PIK3CA: variants seen among roughly 807,000 people sequenced by gnomAD.
PIK3CA encodes phosphatidylinositol-4,5-bisphosphate 3-kinase catalytic subunit alpha.
Under a neutral mutation model 138.2 loss-of-function variants are expected in PIK3CA, and 27 were observed. That is an observed-to-expected ratio of 0.20 (90% CI 0.14 to 0.27). The LOEUF (loss-of-function observed/expected upper bound fraction) is 0.27. Among genes scored for constraint, PIK3CA ranks in the 10% least tolerant of loss-of-function variants. PIK3CA has a pLI of 1.00. For missense variants in PIK3CA, 544 were observed against 1,277.4 expected (o/e 0.43, Z 8.75); for synonymous variants, 358 against 413.2 (o/e 0.87, Z 1.62).
intron 9 of PIK3CA, among the ~76,000 whole-genome samples, chr3:179,211,523 C>T (rs892362247): frequency 3.9e-5 from 6 of 151,908 alleles, no homozygotes; most frequent in African/African-American, 9.7e-5. Flanking sequence ...TACAAAAAGC[C>T]GGGTGTGGTG....
chr3:179,206,239 A>G (rs1221572595), intron 6 of PIK3CA, among the ~76,000 whole-genome samples: 1 of 151,796 alleles, frequency 6.6e-6, no homozygotes, highest in South Asian at 2.1e-4. Context: ...TTGTATTTTC[A>G]GTAGAGGGGG....
intron 1 of PIK3CA, among the ~76,000 whole-genome samples, chr3:179,178,520 A>G (rs994986966): frequency 9.9e-5 from 15 of 152,212 alleles, no homozygotes; most frequent in African/African-American, 3.4e-4. Context: ...ACTACTGAAT[A>G]GTTATGATAT....
chr3:179,168,252 C>T (rs1430481315), intron 1 of PIK3CA, among the ~76,000 whole-genome samples: 1 of 152,130 alleles, frequency 6.6e-6, no homozygotes, highest in Admixed American at 6.5e-5. Context: ...TCTGAAAAGA[C>T]TTTTATTTTT....
intron 1 of PIK3CA, among the ~76,000 whole-genome samples, chr3:179,191,469 A>T (rs930957931): frequency 6.6e-6 from 1 of 152,210 alleles, no homozygotes; most frequent in African/African-American, 2.4e-5. Context: ...TAGAAAATAC[A>T]AGCTGCTTAT....
chr3:179,196,145 T>TA (rs1724260423), intron 1 of PIK3CA, among the ~76,000 whole-genome samples: 1 of 152,206 alleles, frequency 6.6e-6, no homozygotes, highest in Admixed American at 6.5e-5. Flanking sequence ...TCTTTCTTGG[T>TA]AATACTTAGG....
chr3:179,192,300 A>G (rs1286394799), intron 1 of PIK3CA, among the ~76,000 whole-genome samples: 2 of 152,256 alleles, frequency 1.3e-5, no homozygotes, highest in Non-Finnish European at 2.9e-5. Context: ...GATGAGATAG[A>G]GAAAGTGGAA....
At chr3:179,184,591 CCTT>C (rs1386458220) in intron 1 of PIK3CA, among the ~76,000 whole-genome samples, 3 of 152,182 alleles carry the variant, frequency 2.0e-5, no homozygotes, top group East Asian at 1.9e-4. Context: ...AGCAAAAAGA[CCTT>C]CTGTGAAACA....
In PIK3CA at chr3:179,201,495, A is replaced by G. The variant is rs1724408242; in HGVS notation, c.768A>G (p.Gly256=). ...GCAAGTATATTTTAAAAGTGTGTGGATGTGATGAATACTTCCTAGAAAAAT... is the reference window on the plus strand; with the variant it reads ...GCAAGTATATTTTAAAAGTGTGTGGGTGTGATGAATACTTCCTAGAAAAAT... ...YQGKYILKVC[G]CDEYFLEKYP... The change falls in exon 4 of 21, where the codon GGA becomes GGG. Residue 256 remains glycine, a synonymous_variant. Transcript: ENST00000263967. 1 of 1,609,270 alleles carries G rather than the reference A, an allele frequency of 6.2e-7. No individual in the cohort carries two copies. Among genetic ancestry groups the G allele is most frequent in the Non-Finnish European group, 8.5e-7 (1 of 1,175,706 alleles).
At position 179,215,335 on chromosome 3, in the gene PIK3CA, AAAG is replaced by A. The variant is rs534053722; in HGVS notation, c.1540-2872_1540-2870del. 2.1e-4 allele frequency among the ~76,000 whole-genome samples: 32 copies of A among 152,342 alleles called. No individual in the cohort carries two copies. The East Asian group carries it at 4.6e-3, about 22-fold the overall frequency. ...CTTAAAAGAAATTTTATTTCAAAGA[AAAG>A]AAATTTGCTTATTTTATAGCAGAAT... On this transcript the variant is annotated intron_variant, in intron 9 of 20. Coordinates refer to ENST00000263967, the MANE Select transcript of PIK3CA (RefSeq NM_006218.4).
chr3:179,204,615 C>A (rs1724509301), intron 6 of PIK3CA, 27 bp downstream of exon 6: 1 of 1,148,532 alleles, frequency 8.7e-7, no homozygotes, highest in Non-Finnish European at 1.3e-6. Context: ...ATTTATATTT[C>A]CAAAGGTTAT....
In PIK3CA at chr3:179,238,173, T is replaced by C; in HGVS notation, c.*3809T>C. On this transcript the variant is annotated 3_prime_UTR_variant, in exon 21 of 21. Transcript: ENST00000263967. ...GAAGGCTGAAAGTTGTGAGAGTATA[T>C]TGTATACCGTAAGAGAATCAACTCT... 1 of 222,774 alleles carries C rather than the reference T, an allele frequency of 4.5e-6. No homozygotes were observed. The allele number at this position is 222,774 out of a possible 1,614,324, so 13.8% of individuals were successfully genotyped here.
At chr3:179,202,767 T>G (rs73882965) in intron 4 of PIK3CA, among the ~76,000 whole-genome samples, 149 of 152,314 alleles carry the variant, frequency 9.8e-4, no homozygotes, top group African/African-American at 3.3e-3. Flanking sequence ...TGTTTTAATT[T>G]TAGCAAAACT....
At chr3:179,203,411 CTAGTAAATGT>C in intron 4 of PIK3CA, 123 bp from the exon 5 acceptor site, 1 of 680,098 alleles carries the variant, frequency 1.5e-6, no homozygotes. Flanking sequence ...ATAGGAACTA[CTAGTAAATGT>C]GGTCTATAAT....
intron 1 of PIK3CA, among the ~76,000 whole-genome samples, chr3:179,195,801 A>AC (rs1171646764): frequency 6.6e-6 from 1 of 152,158 alleles, no homozygotes. Context: ...GTTACTGCCC[A>AC]CCCATGTACA....
intron 9 of PIK3CA, among the ~76,000 whole-genome samples, chr3:179,216,685 T>C (rs1375333907): frequency 6.6e-6 from 1 of 152,158 alleles, no homozygotes; most frequent in African/African-American, 2.4e-5. Flanking sequence ...CAATGATATA[T>C]TTATCTTCAA....
At chr3:179,159,003 G>T (rs996188231) in intron 1 of PIK3CA, among the ~76,000 whole-genome samples, 5 of 152,110 alleles carry the variant, frequency 3.3e-5, no homozygotes, top group African/African-American at 1.2e-4. Flanking sequence ...TAAAGTTGAT[G>T]ATTTCATGGT....
chr3:179,225,893 A>G, intron 16 of PIK3CA, 69 bp from the exon 17 acceptor site: 3 of 759,284 alleles, frequency 4.0e-6, no homozygotes, highest in East Asian at 2.5e-5. Flanking sequence ...TTTGAAAACC[A>G]TGTGATGGCG....
intron 16 of PIK3CA, among the ~76,000 whole-genome samples, chr3:179,225,255 G>C (rs1306479323): frequency 6.6e-6 from 1 of 151,880 alleles, no homozygotes. Flanking sequence ...TGCCCTCTTG[G>C]AGCTTACAGC....
chr3:179,168,214 G>A (rs1273453130), intron 1 of PIK3CA, among the ~76,000 whole-genome samples: 1 of 152,086 alleles, frequency 6.6e-6, no homozygotes, highest in Non-Finnish European at 1.5e-5. Flanking sequence ...ATTGGTTCAG[G>A]GGAAGTAAAA....
Sources: gnomAD v4.1 joint callset for allele counts (sites outside exome capture counted in the v4.1 genomes callset) on GRCh38, gnomAD v4.1.1 for gene constraint, MANE v1.5 for transcripts, NCBI Gene and HGNC (gene_info 2026-07-23, HGNC 2026-07-21) for gene names.